The following MUC5B variants were observed in gnomAD, a reference collection of about 807,000 sequenced individuals.
MUC5B encodes the protein mucin 5B, oligomeric mucus/gel-forming.
MUC5B carries 116 observed loss-of-function variants against 376.9 expected under a neutral mutation model. The ratio of observed to expected loss-of-function variants is 0.31; its 90% CI spans 0.26 to 0.36. MUC5B has a LOEUF of 0.36. Ranked by LOEUF, MUC5B falls within the 10% of genes least tolerant of loss-of-function variation. The pLI, the probability that MUC5B is intolerant of heterozygous loss-of-function variation, is 1.00. For synonymous variants in MUC5B, 3,517 were observed against 3,390.9 expected (o/e 1.04, Z -1.29); for missense variants, 7,165 against 7,769.9 (o/e 0.92, Z 2.93).
intron 44 of MUC5B, 29 bp downstream of exon 44, chr11:1,259,090 G>A (rs768121165): frequency 6.5e-7 from 1 of 1,537,820 alleles, no homozygotes; most frequent in South Asian, 1.2e-5. Context: ...GCCCCCAGGT[G>A]AGCCCCCGAG....
Position 1,234,708 on chromosome 11 carries a change from AGGTGGGGAGGGCGGG to A in MUC5B, c.2630+31_2630+45del. 1 of 341,374 alleles carries A rather than the reference AGGTGGGGAGGGCGGG, an allele frequency of 2.9e-6. No homozygotes were observed. Among genetic ancestry groups the A allele is most frequent in the South Asian group, 6.9e-5 (1 of 14,448 alleles). 21.1% of individuals were successfully genotyped at this position (341,374 alleles called of 1,614,324 possible). On this transcript the variant is annotated intron_variant, in intron 21 of 48. Coordinates refer to ENST00000529681, the MANE Select transcript of MUC5B (RefSeq NM_002458.3). This position sits in a 1 kb window ranked among gnomAD's most constrained non-coding sequence, Gnocchi z 6.3. Reference sequence around the variant, plus strand: ...GGGTCGTGAGTCTCTCGGAGGCAGCAGGTGGGGAGGGCGGGGGCGGGGAGGGCAGCGGGTGGGGAG... The same window carrying A: ...GGGTCGTGAGTCTCTCGGAGGCAGCAGGCGGGGAGGGCAGCGGGTGGGGAG...
At position 1,251,616 on chromosome 11, in the gene MUC5B, C is replaced by T. The variant is rs750420840; in HGVS notation, c.14736C>T (p.Ser4912=). 1 of 1,613,070 alleles carries T rather than the reference C, an allele frequency of 6.2e-7. No individual in the cohort carries two copies. Among genetic ancestry groups the T allele is most frequent in the Non-Finnish European group, 8.5e-7 (1 of 1,179,792 alleles). The change falls in exon 31 of 49, where the codon AGC becomes AGT. Residue 4912 remains serine (S), a synonymous_variant. Coordinates refer to ENST00000529681, the MANE Select transcript of MUC5B (RefSeq NM_002458.3). ...TTRTPAVLPS[S]LPTFSVSTVS... ...GCACCCCTGCAGTGCTCCCCAGCAG[C>T]CTGCCAACCTTCAGCGTGTCCACTG...
Position 1,234,302 on chromosome 11 carries a change from C to A in MUC5B, c.2475C>A (p.Gly825=). The A allele has an allele frequency of 6.8e-7, 1 of 1,475,282 alleles. No individual in the cohort carries two copies. Among genetic ancestry groups the A allele is most frequent in the Admixed American group, 1.7e-5 (1 of 57,704 alleles). 91.4% of individuals were successfully genotyped at this position (1,475,282 alleles called of 1,614,324 possible). The part of the protein sequence containing the change: ...CLRSCHTLDV[G]CFSTHCVSGC... ...GGAGCTGCCACACGCTGGACGTGGG[C>A]TGTGTGAGTTCCATGCTTCAGGGAG... The change falls in exon 20 of 49, where the codon GGC becomes GGA. Residue 825 remains glycine, a synonymous_variant. Transcript: ENST00000529681. This position sits in a 1 kb window ranked among gnomAD's most constrained non-coding sequence, Gnocchi z 6.3.
rs774785475 is a variant in MUC5B, at chr11:1,242,727, C to A, written c.5847C>A (p.Thr1949=). 9.9e-6 allele frequency: 16 copies of A among 1,613,326 alleles called. No individual in the cohort carries two copies. The highest frequency in any genetic ancestry group is 1.4e-5 in the Non-Finnish European group (16 of 1,179,594). The part of the protein sequence containing the change: ...LTTTATTPTV[T]SSKATPSSSP... ...CCACGGCCACCACACCCACAGTCAC[C>A]AGCTCCAAAGCCACTCCCTCCTCCA... is the stretch of plus-strand genomic sequence containing the variant. Residue 1949 remains threonine (T), a synonymous_variant, in exon 31 of 49, where the codon ACC becomes ACA. Transcript: ENST00000529681.
At position 1,249,085 on chromosome 11, in the gene MUC5B, C is replaced by T. The variant is rs1199273903; in HGVS notation, c.12205C>T (p.Pro4069Ser). The change falls in exon 31 of 49, where the codon CCT (proline) becomes TCT (serine). Residue 4069 changes from proline (P) to serine (S), a missense_variant. Pro to Ser is a moderately conservative substitution (Grantham distance 74). Around this residue, in one of 31 missense-constraint regions of MUC5B, gnomAD observed 85 missense variants for 78.2 expected, o/e 1.09. Coordinates refer to ENST00000529681, the MANE Select transcript of MUC5B (RefSeq NM_002458.3). ...GCACTCGACTCCAGCCCTGTCCAGC[C>T]CTCACCCTAGCAGCAGGACCACCGA... ...TQHSTPALSS[P>S]HPSSRTTESP... is the part of the protein sequence containing the mutation. The T allele has an allele frequency of 2.5e-6, 4 of 1,610,872 alleles. No homozygotes were observed. The South Asian group carries it at 4.4e-5, about 18-fold the overall frequency.
chr11:1,237,071 G>T lies in MUC5B; in HGVS notation c.3204G>T (p.Lys1068Asn). 6.3e-7 allele frequency: 1 copy of T among 1,580,202 alleles called. No homozygotes were observed. The highest frequency in any genetic ancestry group is 8.6e-7 in the Non-Finnish European group (1 of 1,161,780). ...SPSCPDALAP[K>N]DPCTANPFRK... ...CCTGCCCGGACGCCCTGGCACCCAA[G>T]GACCCCTGCACGGCCAACCCCTTCC... The change falls in exon 25 of 49, where the codon AAG (lysine) becomes AAT (asparagine). Residue 1068 changes from lysine to asparagine, a missense_variant. This residue lies in a region of MUC5B where 143 missense variants were observed against 193.2 expected (regional missense o/e 0.74). Coordinates refer to ENST00000529681, the MANE Select transcript of MUC5B (RefSeq NM_002458.3).
intron 47 of MUC5B, 24 bp downstream of exon 47, chr11:1,260,417 ACCAGCCCTCCAGCT>A: frequency 6.2e-7 from 1 of 1,612,126 alleles, no homozygotes; most frequent in Non-Finnish European, 8.5e-7. Context: ...ACCTTCCCAC[ACCAGCCCTCCAGCT>A]CCAGCCCGTC....
chr11:1,247,527 C>T lies in MUC5B; in HGVS notation c.10647C>T (p.Arg3549=). The change falls in exon 31 of 49, where the codon CGC becomes CGT. Residue 3549 remains arginine, a synonymous_variant. Coordinates refer to ENST00000529681, the MANE Select transcript of MUC5B (RefSeq NM_002458.3). ...TTATATPSKT[R]TSTLLPSSPT... is the part of the protein sequence containing the mutation. The stretch of plus-strand genomic sequence containing the variant: ...CCACAGCCACACCCAGCAAGACCCG[C>T]ACCTCGACCCTGCTGCCCAGCAGCC... 6.2e-7 allele frequency: 1 copy of T among 1,610,656 alleles called. No individual in the cohort carries two copies. The highest frequency in any genetic ancestry group is 8.5e-7 in the Non-Finnish European group (1 of 1,179,200).
At chr11:1,229,602 G>A in intron 9 of MUC5B, 88 bp from the exon 10 acceptor site, 1 of 1,198,342 alleles carries the variant, frequency 8.3e-7, no homozygotes, top group South Asian at 1.4e-5. Flanking sequence ...TCCTCCCCAA[G>A]GGAGGCAGCT....
At position 1,249,147 on chromosome 11, in the gene MUC5B, C is replaced by T. The variant is rs1369818081; in HGVS notation, c.12267C>T (p.His4089=). ...CCCCAGGGACGACCACCCCGGGCCA[C>T]ACCACGGCCACCTCCAGGACCACGG... ...PPSPGTTTPG[H]TTATSRTTAT... Residue 4089 remains histidine (H), a synonymous_variant, in exon 31 of 49, where the codon CAC becomes CAT. Transcript: ENST00000529681. 2.5e-6 allele frequency: 4 copies of T among 1,611,262 alleles called. No homozygotes were observed. Among genetic ancestry groups the T allele is most frequent in the Non-Finnish European group, 3.4e-6 (4 of 1,179,570 alleles).
At position 1,257,570 on chromosome 11, in the gene MUC5B, G is replaced by T; in HGVS notation, c.16310G>T (p.Cys5437Phe). The change falls in exon 41 of 49, where the codon TGT becomes TTT. Residue 5437 changes from cysteine (C) to phenylalanine (F), a missense_variant. Physicochemically the swap from Cys to Phe is radical, Grantham distance 205. This residue lies in a region of MUC5B where 842 missense variants were observed against 1,016.9 expected (regional missense o/e 0.83). Coordinates refer to ENST00000529681, the MANE Select transcript of MUC5B (RefSeq NM_002458.3). The surrounding 1 kb of genome is among the most constrained non-coding windows in gnomAD (Gnocchi z 8.9). ...GTCAGCAACTGCCAGTCCTGCGTGT[G>T]TGACGAGGGTTCAGTGTCGGTGCAG... ...RWVSNCQSCV[C>F]DEGSVSVQCK... The T allele has an allele frequency of 6.2e-7, 1 of 1,607,834 alleles. No individual in the cohort carries two copies.
Position 1,233,180 on chromosome 11 carries a change from G to A in MUC5B, c.2233G>A (p.Ala745Thr), listed in dbSNP as rs762964406. The stretch of plus-strand genomic sequence containing the variant: ...GGGCACCTTCCTCAATGACGCGGGC[G>A]CCTGTGTGCCCGCCCAGGAGTGCCC... Reference protein sequence around the residue: ...PAGTFLNDAGACVPAQECPCY... With the variant: ...PAGTFLNDAGTCVPAQECPCY... The change falls in exon 18 of 49, where the codon GCC becomes ACC. Residue 745 changes from alanine to threonine, a missense_variant. Transcript: ENST00000529681. The A allele has an allele frequency of 1.1e-5, 17 of 1,604,182 alleles. No individual in the cohort carries two copies. The highest frequency in any genetic ancestry group is 5.5e-5 in the South Asian group (5 of 90,428).
At position 1,239,420 on chromosome 11, in the gene MUC5B, C is replaced by T; in HGVS notation, c.3455-18C>T. On this transcript the variant is annotated intron_variant, in intron 26 of 48. Coordinates refer to ENST00000529681, the MANE Select transcript of MUC5B (RefSeq NM_002458.3). ...GGGCTGGTGGGCGCCTCCTTAGCCT[C>T]TGCCCTCTGTGCCCCAGCCTTGTTC... 1.9e-6 allele frequency: 3 copies of T among 1,603,308 alleles called. No individual in the cohort carries two copies. Among genetic ancestry groups the T allele is most frequent in the South Asian group, 1.1e-5 (1 of 89,790 alleles).
Position 1,242,657 on chromosome 11 carries a change from C to T in MUC5B, c.5777C>T (p.Pro1926Leu), listed in dbSNP as rs542594128. 43 of 1,613,574 alleles carry T rather than the reference C, an allele frequency of 2.7e-5. No homozygotes were observed. Among genetic ancestry groups the T allele is most frequent in the Admixed American group, 1.7e-4 (10 of 59,980 alleles). Residue 1926 changes from proline to leucine, a missense_variant, in exon 31 of 49, where the codon CCG becomes CTG. Around this residue, in one of 31 missense-constraint regions of MUC5B, gnomAD observed 897 missense variants for 779.6 expected, o/e 1.15. Coordinates refer to ENST00000529681, the MANE Select transcript of MUC5B (RefSeq NM_002458.3). The part of the protein sequence containing the change: ...TTASTGSTAT[P>L]TSTLRTAPPP... ...GCGTCCACTGGATCCACGGCCACCC[C>T]GACCTCCACCCTGAGAACAGCTCCC...
In MUC5B at chr11:1,255,026, C is replaced by A. The variant is rs370878802; in HGVS notation, c.15665-15C>A. 4 of 1,573,264 alleles carry A rather than the reference C, an allele frequency of 2.5e-6. No homozygotes were observed. Among genetic ancestry groups the A allele is most frequent in the Admixed American group, 1.8e-5 (1 of 54,564 alleles). ...TCCCCAGATTCCAGCCCCGCGGTGA[C>A]GCCCCCACTCCCAGGCACCTGCACC... is the stretch of plus-strand genomic sequence containing the variant. On this transcript the variant is annotated splice_polypyrimidine_tract_variant and intron_variant, in intron 35 of 48. Transcript: ENST00000529681.
rs766053185 is a variant in MUC5B at position 1,245,449 on chromosome 11, A to T, written c.8569A>T (p.Ser2857Cys). 3.3e-6 allele frequency: 5 copies of T among 1,506,782 alleles called. No individual in the cohort carries two copies. Among genetic ancestry groups the T allele is most frequent in the Middle Eastern group, 2.4e-4 (1 of 4,240 alleles). 93.3% of individuals were successfully genotyped at this position (1,506,782 alleles called of 1,614,324 possible). A position where few individuals can be genotyped will look rare whatever the true frequency, so the allele number is the denominator to read the frequency against. Reference protein sequence around the residue: ...KTRTSTLLPSSPTSAPITTVV... With the variant: ...KTRTSTLLPSCPTSAPITTVV... The stretch of plus-strand genomic sequence containing the variant: ...CCGCACCTCGACCCTGCTGCCCAGC[A>T]GCCCCACATCGGCCCCAATAACCAC... The change falls in exon 31 of 49, where the codon AGC (serine) becomes TGC (cysteine). Residue 2857 changes from serine to cysteine, a missense_variant. Ser to Cys is a moderately radical substitution (Grantham distance 112). This residue lies in a region of MUC5B where 57 missense variants were observed against 167.2 expected (regional missense o/e 0.34). Coordinates refer to ENST00000529681, the MANE Select transcript of MUC5B (RefSeq NM_002458.3).
At position 1,239,460 on chromosome 11, in the gene MUC5B, C is replaced by T. The variant is rs1312550169; in HGVS notation, c.3477C>T (p.Asn1159=). ...DTCPLFCDFY[N]PHGGCEWHYQ... ...CAGCCTTGTTCTGTGACTTCTACAA[C>T]CCACATGGGGGCTGTGAGTGGCACT... The change falls in exon 27 of 49, where the codon AAC becomes AAT. Residue 1159 remains asparagine (N), a synonymous_variant. Coordinates refer to ENST00000529681, the MANE Select transcript of MUC5B (RefSeq NM_002458.3). 3.1e-6 allele frequency: 5 copies of T among 1,608,180 alleles called. No individual in the cohort carries two copies. Among genetic ancestry groups the T allele is most frequent in the Non-Finnish European group, 4.2e-6 (5 of 1,176,510 alleles).
chr11:1,230,553 G>A lies in MUC5B; in HGVS notation c.1423G>A (p.Glu475Lys), dbSNP rs573450379. 11 of 1,611,854 alleles carry A rather than the reference G, an allele frequency of 6.8e-6. No individual in the cohort carries two copies. Among genetic ancestry groups the A allele is most frequent in the African/African-American group, 4.0e-5 (3 of 75,056 alleles). ...ELRKCGLTDN[E>K]NCLKAVTLSL... is the part of the protein sequence containing the mutation. ...GCGGAAGTGCGGCCTGACGGACAAC[G>A]AGAACTGCCTGAAAGCGGTGACGCT... Residue 475 changes from glutamate to lysine, a missense_variant, in exon 12 of 49, where the codon GAG (glutamate) becomes AAG (lysine). Coordinates refer to ENST00000529681, the MANE Select transcript of MUC5B (RefSeq NM_002458.3).
Position 1,257,512 on chromosome 11 carries a change from C to T in MUC5B, c.16270-18C>T, listed in dbSNP as rs368966166. 1.3e-4 allele frequency: 201 copies of T among 1,603,458 alleles called. No individual in the cohort carries two copies. The highest frequency in any genetic ancestry group is 1.7e-4 in the Non-Finnish European group (198 of 1,175,824). ...TGTCTGTCCAGGAGCCCTCAGGGAC[C>T]CCCTTGATCCATTCCAGCCCGGGGA... On this transcript the variant is annotated intron_variant, in intron 40 of 48. Coordinates refer to ENST00000529681, the MANE Select transcript of MUC5B (RefSeq NM_002458.3). This position sits in a 1 kb window ranked among gnomAD's most constrained non-coding sequence, Gnocchi z 8.9.
Sources: gnomAD v4.1 joint callset for allele counts on GRCh38, gnomAD v4.1.1 for gene constraint, gnomAD v4.1.1 regional missense constraint, Gnocchi (gnomAD v3.1) non-coding constraint, MANE v1.5 for transcripts, NCBI Gene and HGNC (gene_info 2026-07-23, HGNC 2026-07-21) for gene names.